Variants in TOX3 observed in about 807,000 individuals in gnomAD.
TOX3 encodes CAG trinucleotide repeat-containing gene F9 protein.
TOX3 carries 22 observed loss-of-function variants against 64.3 expected under a neutral mutation model. The observed-to-expected ratio is 0.34, with a 90% CI of 0.24 to 0.49. The LOEUF is 0.49. Ranked by LOEUF, TOX3 falls within the 20% of genes least tolerant of loss-of-function variation. The pLI is 0.99. For missense variants in TOX3, 661 were observed against 714.4 expected, an observed-to-expected ratio of 0.93 and a Z score of 0.85; for synonymous variants, 291 against 273.6, an observed-to-expected ratio of 1.06 and a Z score of -0.63.
intron 1 of TOX3, among the ~76,000 whole-genome samples, chr16:52,495,922 A>G (rs768370654): frequency 6.6e-6 from 1 of 152,170 alleles, no homozygotes; most frequent in Non-Finnish European, 1.5e-5. Flanking sequence ...CCACCCCATC[A>G]TCAACAATTA....
intron 3 of TOX3, among the ~76,000 whole-genome samples, chr16:52,454,544 G>A (rs184321588): frequency 6.6e-6 from 1 of 152,270 alleles, no homozygotes; most frequent in African/African-American, 2.4e-5. Flanking sequence ...GTGTCTCTTT[G>A]GAAATTCAAG....
At chr16:52,496,242 G>T (rs1169089687) in intron 1 of TOX3, among the ~76,000 whole-genome samples, 1 of 152,138 alleles carries the variant, frequency 6.6e-6, no homozygotes, top group East Asian at 1.9e-4. Flanking sequence ...CAAAGAGTTG[G>T]CTTATATCAA....
At chr16:52,494,515 C>T (rs1291523142) in intron 1 of TOX3, among the ~76,000 whole-genome samples, 3 of 152,204 alleles carry the variant, frequency 2.0e-5, no homozygotes, top group Non-Finnish European at 1.5e-5. Context: ...GATATTCTAA[C>T]TGAGCCACCA....
intron 1 of TOX3, among the ~76,000 whole-genome samples, chr16:52,476,754 A>C (rs16951207): frequency 0.02 from 3,118 of 152,250 alleles, 108 homozygotes; most frequent in African/African-American, 0.071. Flanking sequence ...AATGCTACTT[A>C]ATAGGATATA....
rs1244844870 is a variant in TOX3 at position 52,436,757 on chromosome 16, A to C, written c.*2468T>G. On this transcript the variant is annotated 3_prime_UTR_variant, in exon 7 of 7. Coordinates refer to ENST00000219746, the MANE Select transcript of TOX3 (RefSeq NM_001080430.4). ...AAACCCAAGATTTATAAAATCATTT[A>C]ATAGATGTTACAACACCTGCTTCTA... 1 of 152,230 alleles carries C rather than the reference A, an allele frequency of 6.6e-6. No individual in the cohort carries two copies. Among genetic ancestry groups the C allele is most frequent in the African/African-American group, 2.4e-5 (1 of 41,454 alleles). The allele number at this position is 152,230 out of a possible 1,614,324, so 9.4% of individuals were successfully genotyped here.
intron 3 of TOX3, among the ~76,000 whole-genome samples, chr16:52,451,828 G>T (rs554610279): frequency 1.3e-5 from 2 of 152,304 alleles, no homozygotes; most frequent in Admixed American, 1.3e-4. Context: ...TAATGAATTA[G>T]ATTTATGTGC....
At chr16:52,513,480 G>A (rs766989138) in intron 1 of TOX3, among the ~76,000 whole-genome samples, 27 of 152,204 alleles carry the variant, frequency 1.8e-4, no homozygotes, top group Admixed American at 8.5e-4. Flanking sequence ...AGATGAGATG[G>A]AAATTGAAAA....
chr16:52,519,583 A>T, intron 1 of TOX3: 1 of 1,436,134 alleles, frequency 7.0e-7, no homozygotes, highest in Non-Finnish European at 9.2e-7. Flanking sequence ...ATCCTAGCTG[A>T]GCAGACGAAA....
At chr16:52,528,400 C>T (rs1203939771) in intron 1 of TOX3, among the ~76,000 whole-genome samples, 4 of 151,766 alleles carry the variant, frequency 2.6e-5, no homozygotes, top group African/African-American at 9.7e-5. Context: ...GTGGGCAAGA[C>T]TTGATCTGTT....
chr16:52,477,707 C>G (rs934935550), intron 1 of TOX3, among the ~76,000 whole-genome samples: 2 of 152,142 alleles, frequency 1.3e-5, no homozygotes, highest in African/African-American at 2.4e-5. Context: ...TCATTGTGTA[C>G]AAGCTGTTTA....
intron 1 of TOX3, among the ~76,000 whole-genome samples, chr16:52,469,452 A>G (rs1960972315): frequency 6.6e-6 from 1 of 152,236 alleles, no homozygotes; most frequent in African/African-American, 2.4e-5. Flanking sequence ...AGGCTCTGTG[A>G]GTATAATAAT....
intron 1 of TOX3, among the ~76,000 whole-genome samples, chr16:52,540,361 T>A (rs535073575): frequency 2.6e-5 from 4 of 151,142 alleles, no homozygotes; most frequent in Non-Finnish European, 5.9e-5. Context: ...CCATGGTCAC[T>A]GCACTCAAGC....
chr16:52,541,145 A>G (rs1162061032), intron 1 of TOX3, among the ~76,000 whole-genome samples: 3 of 152,118 alleles, frequency 2.0e-5, no homozygotes, highest in Admixed American at 1.3e-4. Context: ...AAAGTCCAAA[A>G]GCCTGTGTTA....
chr16:52,439,235 C>T lies in TOX3; in HGVS notation c.1721G>A (p.Ser574Asn). The change falls in exon 7 of 7, where the codon AGT becomes AAT. Residue 574 changes from serine (S) to asparagine (N), a missense_variant. Physicochemically the swap from Ser to Asn is conservative, Grantham distance 46. This residue lies in a region of TOX3 where 299 missense variants were observed against 292.1 expected (regional missense o/e 1.02). Coordinates refer to ENST00000219746, the MANE Select transcript of TOX3 (RefSeq NM_001080430.4). ...QTQTQVLSQV[S>N]IF ...CTGCCATATGCGTCTTCAGAAAATACTGACCTGCGATAATACTTGAGTCTG... is the reference window on the plus strand; with the variant it reads ...CTGCCATATGCGTCTTCAGAAAATATTGACCTGCGATAATACTTGAGTCTG... 1 of 1,613,926 alleles carries T rather than the reference C, an allele frequency of 6.2e-7. No individual in the cohort carries two copies. Among genetic ancestry groups the T allele is most frequent in the South Asian group, 1.1e-5 (1 of 91,074 alleles).
intron 1 of TOX3, among the ~76,000 whole-genome samples, chr16:52,513,473 T>A (rs1373285540): frequency 1.3e-5 from 2 of 152,104 alleles, no homozygotes; most frequent in Admixed American, 6.6e-5. Flanking sequence ...GAAATCTAGA[T>A]GAGATGGAAA....
At chr16:52,459,276 C>A (rs777143671) in intron 3 of TOX3, among the ~76,000 whole-genome samples, 3 of 152,062 alleles carry the variant, frequency 2.0e-5, no homozygotes, top group Non-Finnish European at 4.4e-5. Context: ...ACCACTGTAC[C>A]TCAGCCTGAG....
chr16:52,546,171 G>A (rs534131729), intron 1 of TOX3, among the ~76,000 whole-genome samples: 2 of 152,062 alleles, frequency 1.3e-5, no homozygotes, highest in Non-Finnish European at 2.9e-5. Flanking sequence ...GTCCGTAAGC[G>A]GCCCCGAGGC....
rs111832750 is a variant in TOX3 at position 52,449,660 on chromosome 16, ATAAT to A, written c.678+613_678+616del. On this transcript the variant is annotated intron_variant, in intron 4 of 6. Transcript: ENST00000219746. Reference sequence around the variant, plus strand: ...CAAGCACAGAGTAGGTATACAGCACATAATTAATAAGTGACTAATGAGTAATTAT... The same window carrying A: ...CAAGCACAGAGTAGGTATACAGCACATAATAAGTGACTAATGAGTAATTAT... 9.4e-3 allele frequency among the ~76,000 whole-genome samples: 1,425 copies of A among 152,390 alleles called. 23 individuals carry two copies. The highest frequency in any genetic ancestry group is 0.032 in the African/African-American group (1,323 of 41,598).
At chr16:52,440,050 T>G in intron 6 of TOX3, 82 bp from the exon 7 acceptor site, 7 of 1,202,952 alleles carry the variant, frequency 5.8e-6, no homozygotes, top group African/African-American at 1.5e-5. Context: ...TATTATAAAT[T>G]GATTTTTTTT....
Sources: gnomAD v4.1 joint callset for allele counts (sites outside exome capture counted in the v4.1 genomes callset) on GRCh38, gnomAD v4.1.1 for gene constraint, gnomAD v4.1.1 regional missense constraint, MANE v1.5 for transcripts, NCBI Gene and HGNC (gene_info 2026-07-23, HGNC 2026-07-21) for gene names.